Variants in VAV3 observed in about 807,000 individuals in gnomAD.
VAV3 encodes the protein guanine nucleotide exchange factor VAV3.
Under a neutral mutation model 131.2 loss-of-function variants are expected in VAV3, and 94 were observed. The ratio of observed to expected loss-of-function variants is 0.72; its 90% confidence interval spans 0.61 to 0.85. The LOEUF is 0.85. VAV3 is among the 40% of genes least tolerant of loss of function. VAV3 has a pLI of 0.00. For missense variants in VAV3, 939 were observed against 1,002.7 expected (o/e 0.94, Z 0.86); for synonymous variants, 349 against 342.0 (o/e 1.02, Z -0.22).
intron 4 of VAV3, among the ~76,000 whole-genome samples, chr1:107,773,320 C>A (rs775041060): frequency 4.6e-5 from 7 of 152,152 alleles, no homozygotes; most frequent in Non-Finnish European, 7.3e-5. Flanking sequence ...TATTTCAAGA[C>A]CTCAGTTTCA....
chr1:107,699,468 C>T (rs958619350), intron 17 of VAV3, among the ~76,000 whole-genome samples: 6 of 152,222 alleles, frequency 3.9e-5, no homozygotes, highest in South Asian at 2.1e-4. Flanking sequence ...TGAGTGTCTG[C>T]GGGTTTTCCA....
chr1:107,775,520 G>C (rs139575806), intron 4 of VAV3, among the ~76,000 whole-genome samples: 1 of 131,584 alleles, frequency 7.6e-6, no homozygotes, highest in East Asian at 2.4e-4. Context: ...GGAGGTTGCA[G>C]TGAGCTGAGA....
intron 1 of VAV3, among the ~76,000 whole-genome samples, chr1:107,961,329 G>A (rs1449790190): frequency 2.0e-5 from 3 of 152,122 alleles, no homozygotes; most frequent in African/African-American, 7.2e-5. Flanking sequence ...GTGACATCAA[G>A]CCAATAACTC....
intron 17 of VAV3, chr1:107,688,658 GT>G: frequency 1.1e-6 from 1 of 920,412 alleles, no homozygotes; most frequent in Non-Finnish European, 1.5e-6. Context: ...TTTTTCCATT[GT>G]TTATTAAGCA....
At chr1:107,889,132 A>AGTGTGT (rs5776903) in intron 1 of VAV3, among the ~76,000 whole-genome samples, 32,792 of 141,758 alleles carry the variant, frequency 0.23, 3,734 homozygotes, top group Non-Finnish European at 0.25. Context: ...TCCTGTGTAG[A>AGTGTGT]GTGTGTGTGT....
intron 2 of VAV3, among the ~76,000 whole-genome samples, chr1:107,830,725 T>C (rs927341700): frequency 6.6e-6 from 1 of 152,192 alleles, no homozygotes; most frequent in African/African-American, 2.4e-5. Flanking sequence ...GGTAAATTCT[T>C]TACCATCTGC....
At chr1:107,923,845 G>A (rs970879887) in intron 1 of VAV3, among the ~76,000 whole-genome samples, 1 of 152,028 alleles carries the variant, frequency 6.6e-6, no homozygotes, top group Admixed American at 6.5e-5. Context: ...AAGGCCCAAG[G>A]GGACTCATTT....
At chr1:107,882,622 T>C (rs59815601) in intron 1 of VAV3, among the ~76,000 whole-genome samples, 2,214 of 152,242 alleles carry the variant, frequency 0.015, 59 homozygotes, top group African/African-American at 0.051. Flanking sequence ...TTCTGTCCCT[T>C]TCACCATATC....
chr1:107,929,083 C>T (rs1454372064), intron 1 of VAV3, among the ~76,000 whole-genome samples: 2 of 151,854 alleles, frequency 1.3e-5, no homozygotes, highest in East Asian at 3.9e-4. Context: ...ATTTTACAGG[C>T]CATGAGGGAG....
At chr1:107,575,208 G>A (rs1388017840) in intron 25 of VAV3, among the ~76,000 whole-genome samples, 2 of 152,112 alleles carry the variant, frequency 1.3e-5, no homozygotes, top group South Asian at 2.1e-4. Flanking sequence ...TCAATTATAT[G>A]TTCAGTGATT....
chr1:107,576,480 GAGAA>G, intron 25 of VAV3: 1 of 1,500,188 alleles, frequency 6.7e-7, no homozygotes, highest in Non-Finnish European at 8.8e-7. Flanking sequence ...AGGGGGCTTT[GAGAA>G]AGAAAGAAAA....
intron 1 of VAV3, among the ~76,000 whole-genome samples, chr1:107,905,395 T>C (rs1355183893): frequency 1.3e-5 from 2 of 152,224 alleles, no homozygotes; most frequent in Non-Finnish European, 2.9e-5. Context: ...TCTAGCTATG[T>C]GTCTTCCTTG....
At chr1:107,793,015 A>G (rs1335592831) in intron 2 of VAV3, among the ~76,000 whole-genome samples, 1 of 152,144 alleles carries the variant, frequency 6.6e-6, no homozygotes, top group African/African-American at 2.4e-5. Flanking sequence ...CCTCACCCAA[A>G]CAAAAATGAC....
At chr1:107,920,167 G>A (rs1460817700) in intron 1 of VAV3, among the ~76,000 whole-genome samples, 1 of 152,216 alleles carries the variant, frequency 6.6e-6, no homozygotes, top group Non-Finnish European at 1.5e-5. Flanking sequence ...TCACTGAGAA[G>A]GGAATGTAGC....
Position 107,816,568 on chromosome 1 carries a change from C to T in VAV3, c.322-37076G>A, listed in dbSNP as rs150040971. On this transcript the variant is annotated intron_variant, in intron 2 of 26. Coordinates refer to ENST00000370056, the MANE Select transcript of VAV3 (RefSeq NM_006113.5). ...AATCAGTCACTAATATATTTCACTCCAATGCTAAATAGGCCTGCCTATAGG... is the reference window on the plus strand; with the variant it reads ...AATCAGTCACTAATATATTTCACTCTAATGCTAAATAGGCCTGCCTATAGG... Among the ~76,000 whole-genome samples, 24 of 152,246 alleles carry T rather than the reference C, an allele frequency of 1.6e-4. No individual in the cohort carries two copies. The East Asian group carries it at 4.4e-3, about 28-fold the overall frequency.
intron 1 of VAV3, among the ~76,000 whole-genome samples, chr1:107,876,312 G>A (rs975842203): frequency 9.9e-5 from 15 of 152,090 alleles, no homozygotes; most frequent in Non-Finnish European, 2.1e-4. Context: ...TGGGATGAAA[G>A]GCCTCTTGGA....
intron 7 of VAV3, among the ~76,000 whole-genome samples, chr1:107,767,356 C>T (rs1037857599): frequency 3.9e-5 from 6 of 152,120 alleles, no homozygotes; most frequent in African/African-American, 1.4e-4. Context: ...TCCTGTGTAC[C>T]TTGGAGCACA....
chr1:107,679,605 G>C (rs1658460401), intron 19 of VAV3, among the ~76,000 whole-genome samples: 1 of 152,122 alleles, frequency 6.6e-6, no homozygotes, highest in Non-Finnish European at 1.5e-5. Context: ...CTGGTATACA[G>C]ATTTGCCACA....
intron 19 of VAV3, among the ~76,000 whole-genome samples, chr1:107,647,400 G>A (rs1022282724): frequency 3.3e-5 from 5 of 151,788 alleles, no homozygotes; most frequent in Admixed American, 6.6e-5. Context: ...TTCATCAAAT[G>A]TGACTTCAGC....
Sources: allele counts gnomAD v4.1 joint callset (sites outside exome capture counted in the v4.1 genomes callset), GRCh38; gene constraint gnomAD v4.1.1; transcripts MANE v1.5; gene names NCBI Gene and HGNC (gene_info 2026-07-23, HGNC 2026-07-21).